SCUBE3: variants seen among roughly 807,000 people sequenced by gnomAD.
The protein encoded by SCUBE3 is signal peptide, CUB domain and EGF like domain containing 3, also known as signal peptide, CUB and EGF-like domain-containing protein 3.
A neutral mutation model predicts 116.8 loss-of-function variants in SCUBE3; 33 were observed. That is an observed-to-expected ratio of 0.28 (90% CI 0.21 to 0.38). The LOEUF (loss-of-function observed/expected upper bound fraction) is 0.38. Among genes scored for constraint, SCUBE3 ranks in the 10% least tolerant of loss-of-function variants. The pLI is 1.00. For missense variants in SCUBE3, 1,007 were observed against 1,324.8 expected (o/e 0.76, Z 3.72); for synonymous variants, 418 against 496.9 (o/e 0.84, Z 2.11).
Position 35,233,025 on chromosome 6 carries a change from A to G in SCUBE3, c.595+50A>G. 1.9e-6 allele frequency: 3 copies of G among 1,606,396 alleles called. No individual in the cohort carries two copies. The highest frequency in any genetic ancestry group is 2.2e-5 in the South Asian group (2 of 90,386). The stretch of plus-strand genomic sequence containing the variant: ...GGGCAGTGGGGTCGGGGGTGAAAAC[A>G]TAGAGGAAGGGTATAGGGCTTCAGG... On this transcript the variant is annotated intron_variant, in intron 5 of 21. Coordinates refer to ENST00000274938, the MANE Select transcript of SCUBE3 (RefSeq NM_152753.4). This position sits in a 1 kb window ranked among gnomAD's most constrained non-coding sequence, Gnocchi z 5.7.
chr6:35,248,616 TAC>T lies in SCUBE3; in HGVS notation c.2897_2898del (p.Thr966ArgfsTer100). 1.9e-6 allele frequency: 3 copies of T among 1,613,958 alleles called. No individual in the cohort carries two copies. Among genetic ancestry groups the T allele is most frequent in the Non-Finnish European group, 2.5e-6 (3 of 1,179,928 alleles). ...VLAHPQNYFK[Y>X]TEKHKEMLPK... ...AGCCCACCCCCAGAACTACTTCAAG[TAC>T]ACAGAGAAACACAAGGAGATGCTGC... On this transcript the variant is annotated frameshift_variant, in exon 22 of 22. Transcript: ENST00000274938. LOFTEE classifies it high-confidence loss of function.
At position 35,251,519 on chromosome 6, in the gene SCUBE3, C is replaced by T. The variant is rs2150321948; in HGVS notation, c.*2814C>T. The T allele has an allele frequency of 6.6e-6, 1 of 152,424 alleles. No homozygotes were observed. Among genetic ancestry groups the T allele is most frequent in the South Asian group, 2.1e-4 (1 of 4,824 alleles). 9.4% of individuals were successfully genotyped at this position (152,424 alleles called of 1,614,324 possible). A position where few individuals can be genotyped will look rare whatever the true frequency, so the allele number is the denominator to read the frequency against. On this transcript the variant is annotated 3_prime_UTR_variant, in exon 22 of 22. Coordinates refer to ENST00000274938, the MANE Select transcript of SCUBE3 (RefSeq NM_152753.4). Reference sequence around the variant, plus strand: ...CTTGGAAAGCCAAACGGTGACCATGCTTCTTAATTTATGCCTTCAGGGTCT... The same window carrying T: ...CTTGGAAAGCCAAACGGTGACCATGTTTCTTAATTTATGCCTTCAGGGTCT...
At chr6:35,242,884 G>C in intron 14 of SCUBE3, 104 bp downstream of exon 14, 1 of 1,515,792 alleles carries the variant, frequency 6.6e-7, no homozygotes, top group Non-Finnish European at 9.1e-7. Flanking sequence ...CTGTACTAGG[G>C]GCAGACCCTG....
At chr6:35,242,958 C>A in intron 14 of SCUBE3, 63 bp from the exon 15 acceptor site, 1 of 1,561,440 alleles carries the variant, frequency 6.4e-7, no homozygotes, top group Non-Finnish European at 8.8e-7. Flanking sequence ...AGCTTTGCTC[C>A]CCTGCCCTCC....
rs1037758830 is a variant in SCUBE3, at chr6:35,244,897, G to A, written c.2401+86G>A. The stretch of plus-strand genomic sequence containing the variant: ...AAAGGAGGGGTGTGAAACCAACAGG[G>A]AGCAGGGCTGGGGGGTGGAGGAGCA... On this transcript the variant is annotated intron_variant, in intron 18 of 21. Coordinates refer to ENST00000274938, the MANE Select transcript of SCUBE3 (RefSeq NM_152753.4). The surrounding 1 kb of genome is among the most constrained non-coding windows in gnomAD (Gnocchi z 4.3). 1.5e-6 allele frequency: 2 copies of A among 1,354,274 alleles called. No individual in the cohort carries two copies. Among genetic ancestry groups the A allele is most frequent in the Admixed American group, 1.7e-5 (1 of 57,226 alleles). The allele number at this position is 1,354,274 out of a possible 1,614,324, so 83.9% of individuals were successfully genotyped here. A position where few individuals can be genotyped will look rare whatever the true frequency, so the allele number is the denominator to read the frequency against.
intron 12 of SCUBE3, 65 bp from the exon 13 acceptor site, chr6:35,242,138 AC>A (rs35908363): frequency 5.9e-6 from 7 of 1,192,028 alleles, no homozygotes; most frequent in African/African-American, 1.5e-5. Context: ...CTTCTCAACA[AC>A]CCCTACGGCA....
chr6:35,230,877 C>G (rs1291592884), intron 3 of SCUBE3, among the ~76,000 whole-genome samples: 1 of 152,170 alleles, frequency 6.6e-6, no homozygotes, highest in Non-Finnish European at 1.5e-5. Context: ...CCAAGGCAAA[C>G]TGAGAAGGGC....
intron 1 of SCUBE3, among the ~76,000 whole-genome samples, chr6:35,215,045 G>A (rs1330355227): frequency 6.6e-6 from 1 of 152,194 alleles, no homozygotes; most frequent in African/African-American, 2.4e-5. Flanking sequence ...TCACCGGATG[G>A]TAGGGGGCTG....
At chr6:35,248,165 G>C (rs574694163) in intron 21 of SCUBE3, among the ~76,000 whole-genome samples, 1 of 63,754 alleles carries the variant, frequency 1.6e-5, no homozygotes, top group African/African-American at 4.2e-5. Context: ...AGAGTCTACG[G>C]AGGGACAAAG....
In SCUBE3 at chr6:35,233,443, G is replaced by A; in HGVS notation, c.712+142G>A. The A allele has an allele frequency of 1.6e-6, 1 of 629,002 alleles. No homozygotes were observed. 39.0% of individuals were successfully genotyped at this position (629,002 alleles called of 1,614,324 possible). ...GTGAGGGAGTTAAGACCCAGAAAATGCCAGGTCTAGTAAGGGACAACTCAA... is the reference window on the plus strand; with the variant it reads ...GTGAGGGAGTTAAGACCCAGAAAATACCAGGTCTAGTAAGGGACAACTCAA... On this transcript the variant is annotated intron_variant, in intron 6 of 21. Coordinates refer to ENST00000274938, the MANE Select transcript of SCUBE3 (RefSeq NM_152753.4). This position sits in a 1 kb window ranked among gnomAD's most constrained non-coding sequence, Gnocchi z 5.7.
chr6:35,235,463 C>G lies in SCUBE3; in HGVS notation c.712+2162C>G. 2 of 1,286,696 alleles carry G rather than the reference C, an allele frequency of 1.6e-6. No individual in the cohort carries two copies. 79.7% of individuals were successfully genotyped at this position (1,286,696 alleles called of 1,614,324 possible). ...TCAAACAGGGGAAAGGCGGCTAGAG[C>G]AGCACATCCCCACTCAAGCCGTTTC... On this transcript the variant is annotated intron_variant, in intron 6 of 21. Transcript: ENST00000274938. The surrounding 1 kb of genome is among the most constrained non-coding windows in gnomAD (Gnocchi z 4.5).
At position 35,232,997 on chromosome 6, in the gene SCUBE3, G is replaced by T; in HGVS notation, c.595+22G>T. 6.2e-7 allele frequency: 1 copy of T among 1,613,162 alleles called. No individual in the cohort carries two copies. The highest frequency in any genetic ancestry group is 8.5e-7 in the Non-Finnish European group (1 of 1,179,274). ...AAATGTGAGATAATTGGGATGGCAG[G>T]TGGGGCAGTGGGGTCGGGGGTGAAA... is the stretch of plus-strand genomic sequence containing the variant. On this transcript the variant is annotated intron_variant, in intron 5 of 21. Coordinates refer to ENST00000274938, the MANE Select transcript of SCUBE3 (RefSeq NM_152753.4). This position sits in a 1 kb window ranked among gnomAD's most constrained non-coding sequence, Gnocchi z 4.2.
At position 35,235,444 on chromosome 6, in the gene SCUBE3, AG is replaced by A; in HGVS notation, c.712+2147del. 7.8e-7 allele frequency: 1 copy of A among 1,283,742 alleles called. No homozygotes were observed. 79.5% of individuals were successfully genotyped at this position (1,283,742 alleles called of 1,614,324 possible). On this transcript the variant is annotated intron_variant, in intron 6 of 21. Coordinates refer to ENST00000274938, the MANE Select transcript of SCUBE3 (RefSeq NM_152753.4). The surrounding 1 kb of genome is among the most constrained non-coding windows in gnomAD (Gnocchi z 4.5). The stretch of plus-strand genomic sequence containing the variant: ...AAACAGCTTTTTTACAATGTCAAAC[AG>A]GGGAAAGGCGGCTAGAGCAGCACAT...
chr6:35,236,457 A>T (rs1433610712), intron 6 of SCUBE3, among the ~76,000 whole-genome samples: 1 of 152,212 alleles, frequency 6.6e-6, no homozygotes, highest in Non-Finnish European at 1.5e-5. Context: ...AGCACTCTTT[A>T]GCGGGTGGCT....
In SCUBE3 at chr6:35,243,210, G is replaced by C. The variant is rs766950165; in HGVS notation, c.1883G>C (p.Gly628Ala). The change falls in exon 15 of 22, where the codon GGG (glycine) becomes GCG (alanine). Residue 628 changes from glycine (G) to alanine (A), a missense_variant. By Grantham distance (60) the Gly-to-Ala change is moderately conservative (BLOSUM62 0). Transcript: ENST00000274938. The surrounding 1 kb of genome is among the most constrained non-coding windows in gnomAD (Gnocchi z 6.6). ...RAEPMESCRP[G>A]QHRAGTKCVS... ...GAGCCGATGGAGTCCTGTAGGCCCG[G>C]GCAGCACCGTGCTGGGACCAAGTGT... The C allele has an allele frequency of 3.1e-6, 5 of 1,613,964 alleles. No individual in the cohort carries two copies. In the African/African-American group the frequency reaches 6.7e-5, roughly 22 times the overall value.
intron 1 of SCUBE3, among the ~76,000 whole-genome samples, chr6:35,215,056 AAGAAG>A (rs1782830879): frequency 6.6e-6 from 1 of 152,192 alleles, no homozygotes; most frequent in South Asian, 2.1e-4. Flanking sequence ...TAGGGGGCTG[AAGAAG>A]AGAAGAAAAT....
chr6:35,223,306 G>A (rs541053505), intron 1 of SCUBE3: 25 of 152,334 alleles, frequency 1.6e-4, no homozygotes, highest in African/African-American at 5.5e-4. Context: ...AGCCCCATGG[G>A]GAGGTACTAT....
At chr6:35,223,068 C>T (rs1233211571) in intron 1 of SCUBE3, 1 of 152,160 alleles carries the variant, frequency 6.6e-6, no homozygotes, top group Non-Finnish European at 1.5e-5. Flanking sequence ...CGCATATAGT[C>T]CCAGTTACTC....
Position 35,243,752 on chromosome 6 carries a change from G to C in SCUBE3, c.2068G>C (p.Ala690Pro), listed in dbSNP as rs367986099. The C allele has an allele frequency of 1.2e-6, 2 of 1,613,726 alleles. No individual in the cohort carries two copies. The highest frequency in any genetic ancestry group is 1.7e-6 in the Non-Finnish European group (2 of 1,179,798). The change falls in exon 16 of 22, where the codon GCA becomes CCA. Residue 690 changes from alanine to proline, a missense_variant. Physicochemically the swap from Ala to Pro is conservative, Grantham distance 27. Around this residue, in one of 5 missense-constraint regions of SCUBE3, gnomAD observed 544 missense variants for 638.9 expected, o/e 0.85. Coordinates refer to ENST00000274938, the MANE Select transcript of SCUBE3 (RefSeq NM_152753.4). The surrounding 1 kb of genome is among the most constrained non-coding windows in gnomAD (Gnocchi z 6.6). ...TGGAGCCACCAACGTCACCACGTGT[G>C]CAGGTGCCAGGGGAACAAACAATAC... ...PLGATNVTTC[A>P]GQCPPGQHSV... is the part of the protein sequence containing the mutation.
Sources: allele counts gnomAD v4.1 joint callset (sites outside exome capture counted in the v4.1 genomes callset), GRCh38; gene constraint gnomAD v4.1.1; regional missense constraint gnomAD v4.1.1; non-coding constraint Gnocchi (gnomAD v3.1); transcripts MANE v1.5; gene names NCBI Gene and HGNC (gene_info 2026-07-23, HGNC 2026-07-21).